The following OSBPL6 variants were observed in gnomAD, a reference collection of about 807,000 sequenced individuals.
OSBPL6 encodes the protein oxysterol binding protein like 6.
Under a neutral mutation model 125.8 loss-of-function variants are expected in OSBPL6, and 49 were observed. The observed-to-expected ratio is 0.39, with a 90% CI of 0.31 to 0.49. OSBPL6 has a LOEUF of 0.49. Among genes scored for constraint, OSBPL6 ranks in the 20% least tolerant of loss-of-function variants. The probability of loss-of-function intolerance (pLI) is 0.88; values close to 1 mark genes in which losing one functional copy is unlikely to be tolerated. For missense variants in OSBPL6, 986 were observed against 1,135.4 expected, an observed-to-expected ratio of 0.87 and a Z score of 1.89; for synonymous variants, 394 against 391.8, an observed-to-expected ratio of 1.01 and a Z score of -0.07.
intron 13 of OSBPL6, among the ~76,000 whole-genome samples, chr2:178,367,578 T>C (rs539262539): frequency 1.3e-5 from 2 of 152,242 alleles, no homozygotes; most frequent in Non-Finnish European, 2.9e-5. Flanking sequence ...CACCTAGGAA[T>C]TACCTGCCAG....
At chr2:178,307,390 A>G (rs334607) in intron 3 of OSBPL6, among the ~76,000 whole-genome samples, 147,814 of 152,264 alleles carry the variant, frequency 0.97, 71,787 homozygotes, top group Non-Finnish European at 0.98. Context: ...GTGCTAATGT[A>G]TATATCTTTC....
rs148558394 is a variant in OSBPL6, at chr2:178,248,631, G to A, written c.-350-36296G>A. On this transcript the variant is annotated intron_variant, in intron 1 of 24. Coordinates refer to ENST00000190611, the MANE Select transcript of OSBPL6 (RefSeq NM_032523.4). The stretch of plus-strand genomic sequence containing the variant: ...GCAAAAGTGTCTGGTTCCTTTTGCT[G>A]TGAGGCTGAGGATGGAGATGTTTCT... Among the ~76,000 whole-genome samples, 14 of 152,310 alleles carry A rather than the reference G, an allele frequency of 9.2e-5. No individual in the cohort carries two copies. In the East Asian group the frequency reaches 2.7e-3, roughly 29 times the overall value.
At chr2:178,224,986 TGC>T (rs755707740) in intron 1 of OSBPL6, among the ~76,000 whole-genome samples, 15 of 136,710 alleles carry the variant, frequency 1.1e-4, no homozygotes, top group Admixed American at 5.5e-4. Context: ...TATCTCTCTC[TGC>T]TTCTCTCTCT....
At chr2:178,205,062 A>G (rs1343653082) in intron 1 of OSBPL6, among the ~76,000 whole-genome samples, 1 of 152,136 alleles carries the variant, frequency 6.6e-6, no homozygotes, top group African/African-American at 2.4e-5. Flanking sequence ...GAAAATAGAA[A>G]TGTCAACTGA....
intron 3 of OSBPL6, among the ~76,000 whole-genome samples, chr2:178,313,823 A>G (rs572674264): frequency 4.6e-5 from 7 of 152,340 alleles, no homozygotes; most frequent in African/African-American, 1.7e-4. Context: ...CATCCCCAGC[A>G]GTGACTCAGT....
chr2:178,392,285 ATC>A (rs1695472606), intron 22 of OSBPL6, 125 bp from the exon 23 acceptor site: 1 of 1,137,174 alleles, frequency 8.8e-7, no homozygotes, highest in Admixed American at 2.3e-5. Flanking sequence ...ACTTGAAAAA[ATC>A]TATAATCTTG....
chr2:178,390,232 G>A (rs1695283628), intron 21 of OSBPL6, among the ~76,000 whole-genome samples: 1 of 152,202 alleles, frequency 6.6e-6, no homozygotes, highest in Non-Finnish European at 1.5e-5. Context: ...CAAAGCCTGT[G>A]AGGCCAGGTT....
At chr2:178,288,337 G>T (rs1684904897) in intron 2 of OSBPL6, among the ~76,000 whole-genome samples, 1 of 152,100 alleles carries the variant, frequency 6.6e-6, no homozygotes, top group Non-Finnish European at 1.5e-5. Flanking sequence ...CTTCGTTCTT[G>T]CCTGTTGAAA....
chr2:178,325,955 A>G (rs919616671), intron 4 of OSBPL6, among the ~76,000 whole-genome samples: 11 of 152,178 alleles, frequency 7.2e-5, no homozygotes, highest in Non-Finnish European at 1.5e-4. Context: ...TGTAGGACTA[A>G]TAAACCCTGG....
At position 178,202,726 on chromosome 2, in the gene OSBPL6, G is replaced by A. The variant is rs191806526; in HGVS notation, c.-351+8052G>A. ...AACCTCAGCTATTTGGGAGGCTGAGGCAGGAGAATCACTTGAACCTGGGAG... is the reference window on the plus strand; with the variant it reads ...AACCTCAGCTATTTGGGAGGCTGAGACAGGAGAATCACTTGAACCTGGGAG... On this transcript the variant is annotated intron_variant, in intron 1 of 24. Coordinates refer to ENST00000190611, the MANE Select transcript of OSBPL6 (RefSeq NM_032523.4). 1.3e-4 allele frequency among the ~76,000 whole-genome samples: 19 copies of A among 151,850 alleles called. No homozygotes were observed. In the East Asian group the frequency reaches 2.9e-3, roughly 23 times the overall value.
chr2:178,244,160 C>T (rs555533388), intron 1 of OSBPL6, among the ~76,000 whole-genome samples: 5 of 152,290 alleles, frequency 3.3e-5, no homozygotes, highest in African/African-American at 1.2e-4. Context: ...TCCTGGCACA[C>T]CCAGTCCCTT....
intron 4 of OSBPL6, among the ~76,000 whole-genome samples, chr2:178,325,621 G>A (rs1688634666): frequency 6.6e-6 from 1 of 152,148 alleles, no homozygotes; most frequent in African/African-American, 2.4e-5. Context: ...AAGGGCAATG[G>A]AAAAAGGTAG....
intron 1 of OSBPL6, among the ~76,000 whole-genome samples, chr2:178,202,622 G>T (rs2089314112): frequency 6.6e-6 from 1 of 152,048 alleles, no homozygotes; most frequent in African/African-American, 2.4e-5. Flanking sequence ...AGGAGTACGA[G>T]ACCAGCCTGG....
At chr2:178,197,765 G>T (rs2153929287) in intron 1 of OSBPL6, among the ~76,000 whole-genome samples, 1 of 152,074 alleles carries the variant, frequency 6.6e-6, no homozygotes. Flanking sequence ...TTGGATGGGG[G>T]TAGATATTGT....
intron 1 of OSBPL6, among the ~76,000 whole-genome samples, chr2:178,223,255 A>T (rs1341846371): frequency 6.6e-6 from 1 of 152,204 alleles, no homozygotes; most frequent in Non-Finnish European, 1.5e-5. Context: ...TATTATTCAG[A>T]TAGAGCATTT....
At chr2:178,320,441 T>A in intron 3 of OSBPL6, 1 of 1,582,354 alleles carries the variant, frequency 6.3e-7, no homozygotes, top group Non-Finnish European at 8.6e-7. Flanking sequence ...CTAAGTTCCT[T>A]AAAAAACTGA....
chr2:178,395,337 C>T (rs1695764739), intron 24 of OSBPL6, 114 bp from the exon 25 acceptor site: 2 of 647,496 alleles, frequency 3.1e-6, no homozygotes, highest in Non-Finnish European at 5.3e-6. Context: ...AGATAAGATA[C>T]TAACTGGCTT....
chr2:178,364,590 C>T (rs1483623294), intron 13 of OSBPL6, among the ~76,000 whole-genome samples: 2 of 152,072 alleles, frequency 1.3e-5, no homozygotes, highest in Non-Finnish European at 2.9e-5. Flanking sequence ...TCGAGACAGT[C>T]CAGGGTTTTT....
rs184319091 is a variant in OSBPL6, at chr2:178,337,085, A to T, written c.790+652A>T. 2.1e-3 allele frequency among the ~76,000 whole-genome samples: 313 copies of T among 152,266 alleles called. 1 individual carries two copies. Among genetic ancestry groups the T allele is most frequent in the African/African-American group, 6.9e-3 (287 of 41,556 alleles). On this transcript the variant is annotated intron_variant, in intron 9 of 24. Coordinates refer to ENST00000190611, the MANE Select transcript of OSBPL6 (RefSeq NM_032523.4). ...CTTCACCTTCCTCGTAATTAGCCAG[A>T]GCACAATGGTTCAAACTTGATCTAC... is the stretch of plus-strand genomic sequence containing the variant.
Sources: allele counts gnomAD v4.1 joint callset (sites outside exome capture counted in the v4.1 genomes callset), GRCh38; gene constraint gnomAD v4.1.1; transcripts MANE v1.5; gene names NCBI Gene and HGNC (gene_info 2026-07-23, HGNC 2026-07-21).